Variants in CEP120 observed in about 807,000 individuals in gnomAD.
CEP120 encodes centrosomal protein 120.
CEP120 carries 113 observed loss-of-function variants against 126.5 expected under a neutral mutation model. The ratio of observed to expected loss-of-function variants is 0.89; its 90% CI spans 0.77 to 1.04. CEP120 has a LOEUF of 1.04. Ranked by LOEUF, CEP120 falls within the 50% of genes least tolerant of loss-of-function variation. The pLI is 0.00. For synonymous variants in CEP120, 400 were observed against 394.3 expected (o/e 1.01, Z -0.17); for missense variants, 1,230 against 1,155.7 (o/e 1.06, Z -0.93).
intron 18 of CEP120, among the ~76,000 whole-genome samples, chr5:123,363,278 C>G (rs1234072732): frequency 6.6e-6 from 1 of 151,592 alleles, no homozygotes; most frequent in African/African-American, 2.4e-5. Flanking sequence ...ATTAAATAGA[C>G]GTACTTTCTC....
chr5:123,388,532 T>G lies in CEP120; in HGVS notation c.1330A>C (p.Lys444Gln), dbSNP rs376984643. ...SNASEVASGQ[K>Q]IAVPATSHHF... ...TGTGATGTTGCTGGTACAGCAATCT[T>G]CTGTCCTGAAGCTACTTCTGAAGCA... Residue 444 changes from lysine (K) to glutamine (Q), a missense_variant, in exon 9 of 20, where the codon AAG becomes CAG. Transcript: ENST00000306467. The G allele has an allele frequency of 6.2e-6, 10 of 1,611,536 alleles. No individual in the cohort carries two copies. Among genetic ancestry groups the G allele is most frequent in the Non-Finnish European group, 8.5e-6 (10 of 1,179,090 alleles).
chr5:123,409,971 CA>C (rs1353891467), intron 4 of CEP120, among the ~76,000 whole-genome samples: 13,738 of 67,638 alleles, frequency 0.2, 1,243 homozygotes, highest in Middle Eastern at 0.29. Context: ...ACAAAACAAG[CA>C]AAAAAAAAAA....
At chr5:123,404,559 GA>G (rs1554104939) in intron 4 of CEP120, among the ~76,000 whole-genome samples, 1 of 152,034 alleles carries the variant, frequency 6.6e-6, no homozygotes, top group Non-Finnish European at 1.5e-5. Flanking sequence ...GGAAGAGAAC[GA>G]AAAGGCCAAA....
intron 17 of CEP120, among the ~76,000 whole-genome samples, chr5:123,366,751 C>A (rs910242823): frequency 6.6e-6 from 1 of 151,896 alleles, no homozygotes; most frequent in Non-Finnish European, 1.5e-5. Flanking sequence ...CTTGTAAAAA[C>A]CACTATTAAA....
intron 3 of CEP120, 45 bp downstream of exon 3, chr5:123,415,965 C>A (rs749161961): frequency 1.6e-6 from 2 of 1,236,196 alleles, no homozygotes; most frequent in South Asian, 2.5e-5. Flanking sequence ...TGAAAATAAT[C>A]GACTGTCTAA....
rs145761985 is a variant in CEP120 at position 123,402,097 on chromosome 5, C to T, written c.464-2813G>A. ...TCCTGGGTGCACACAGCCTGGATGTCGGGGTCCACCTCCAGGACAAGGGGG... is the reference window on the plus strand; with the variant it reads ...TCCTGGGTGCACACAGCCTGGATGTTGGGGTCCACCTCCAGGACAAGGGGG... On this transcript the variant is annotated intron_variant, in intron 4 of 19. Transcript: ENST00000306467. 1.7e-3 allele frequency: 2,492 copies of T among 1,502,180 alleles called. 42 individuals carry two copies. The African/African-American group carries it at 0.028, about 17-fold the overall frequency. 93.1% of individuals were successfully genotyped at this position (1,502,180 alleles called of 1,614,324 possible). A position where few individuals can be genotyped will look rare whatever the true frequency, so the allele number is the denominator to read the frequency against.
At chr5:123,364,838 C>T (rs1770340446) in intron 17 of CEP120, among the ~76,000 whole-genome samples, 1 of 151,446 alleles carries the variant, frequency 6.6e-6, no homozygotes, top group African/African-American at 2.4e-5. Context: ...TAGTCTTAAC[C>T]TCCAGACAGT....
At chr5:123,373,211 G>C (rs748093358) in intron 16 of CEP120, among the ~76,000 whole-genome samples, 1 of 152,004 alleles carries the variant, frequency 6.6e-6, no homozygotes, top group Non-Finnish European at 1.5e-5. Flanking sequence ...GTAAGTGCAA[G>C]TTATCTGCCA....
At chr5:123,375,080 A>G (rs994380680) in intron 16 of CEP120, among the ~76,000 whole-genome samples, 1 of 152,126 alleles carries the variant, frequency 6.6e-6, no homozygotes, top group African/African-American at 2.4e-5. Context: ...GGTCAAGGTA[A>G]GGACCCAAAA....
At position 123,349,942 on chromosome 5, in the gene CEP120, AC is replaced by A. The variant is rs1310913513; in HGVS notation, c.2726+1del. ...TGAAAGAAACACTTTTAGTTATTAT[AC>A]CTGTTCAATTCATTTCTTATATCCA... On this transcript the variant is annotated splice_donor_variant, in intron 19 of 19. Coordinates refer to ENST00000306467, the MANE Select transcript of CEP120 (RefSeq NM_001375405.1). LOFTEE classifies it high-confidence loss of function. The A allele has an allele frequency of 6.2e-7, 1 of 1,612,286 alleles. No homozygotes were observed. Among genetic ancestry groups the A allele is most frequent in the East Asian group, 2.2e-5 (1 of 44,754 alleles).
intron 4 of CEP120, among the ~76,000 whole-genome samples, chr5:123,405,255 C>A (rs1773564415): frequency 9.5e-6 from 1 of 105,102 alleles, no homozygotes; most frequent in African/African-American, 3.9e-5. Flanking sequence ...TGGTGTGAAC[C>A]AGCCTGAGAG....
chr5:123,398,304 C>T (rs1772935073), intron 5 of CEP120, among the ~76,000 whole-genome samples: 1 of 152,092 alleles, frequency 6.6e-6, no homozygotes, highest in East Asian at 1.9e-4. Context: ...TGTTGAGCCG[C>T]TGTTGGGAAG....
At chr5:123,366,286 C>A (rs1770451422) in intron 17 of CEP120, among the ~76,000 whole-genome samples, 1 of 151,568 alleles carries the variant, frequency 6.6e-6, no homozygotes, top group East Asian at 1.9e-4. Context: ...TCTTAAGAGC[C>A]CTTACTGTAA....
At chr5:123,408,917 GAAT>G (rs1773867257) in intron 4 of CEP120, among the ~76,000 whole-genome samples, 1 of 152,116 alleles carries the variant, frequency 6.6e-6, no homozygotes, top group Non-Finnish European at 1.5e-5. Flanking sequence ...TGTATAAAAA[GAAT>G]AATAGGCCGG....
chr5:123,396,356 T>G (rs13156123), intron 5 of CEP120, among the ~76,000 whole-genome samples: 66,764 of 151,772 alleles, frequency 0.44, 14,638 homozygotes, highest in East Asian at 0.48. Flanking sequence ...TCTGTTTAAC[T>G]TTGTGAGGAA....
chr5:123,370,270 T>C (rs1429463302), intron 17 of CEP120, among the ~76,000 whole-genome samples: 1 of 151,984 alleles, frequency 6.6e-6, no homozygotes, highest in African/African-American at 2.4e-5. Flanking sequence ...TACTATCAGA[T>C]TATAGTATCT....
intron 3 of CEP120, among the ~76,000 whole-genome samples, chr5:123,415,353 T>A (rs1728489606): frequency 6.6e-6 from 1 of 152,142 alleles, no homozygotes; most frequent in South Asian, 2.1e-4. Context: ...TTCTAACTTG[T>A]ATAACTGAAA....
chr5:123,392,972 T>G (rs1772504753), intron 6 of CEP120, among the ~76,000 whole-genome samples: 1 of 152,102 alleles, frequency 6.6e-6, no homozygotes, highest in Admixed American at 6.6e-5. Flanking sequence ...ACCTAATATC[T>G]CCATTAACAA....
chr5:123,421,329 C>T (rs1284857811), intron 1 of CEP120, among the ~76,000 whole-genome samples: 1 of 152,174 alleles, frequency 6.6e-6, no homozygotes, highest in Non-Finnish European at 1.5e-5. Context: ...TCAAGCTGGT[C>T]AGAAAGACCT....
Sources: allele counts gnomAD v4.1 joint callset (sites outside exome capture counted in the v4.1 genomes callset), GRCh38; gene constraint gnomAD v4.1.1; transcripts MANE v1.5; gene names NCBI Gene and HGNC (gene_info 2026-07-23, HGNC 2026-07-21).